Variants in SUCO observed in about 807,000 individuals in gnomAD.
SUCO encodes SUN domain-containing ossification factor.
In SUCO, 57 loss-of-function variants were observed where a neutral mutation model predicts 148.1. That is an observed-to-expected ratio of 0.38 (90% CI 0.31 to 0.48). The LOEUF is 0.48. Among genes scored for constraint, SUCO ranks in the 20% least tolerant of loss-of-function variants. The probability of loss-of-function intolerance (pLI) is 0.96; values close to 1 mark genes in which losing one functional copy is unlikely to be tolerated. For synonymous variants in SUCO, 470 were observed against 502.7 expected (o/e 0.93, Z 0.87); for missense variants, 1,331 against 1,468.2 (o/e 0.91, Z 1.53).
intron 1 of SUCO, among the ~76,000 whole-genome samples, chr1:172,543,696 A>G (rs1007828096): frequency 6.6e-6 from 1 of 152,128 alleles, no homozygotes; most frequent in Admixed American, 6.5e-5. Context: ...CTGAAATGCA[A>G]AGGTTTAATT....
At chr1:172,532,464 A>G (rs938626226), upstream of SUCO, 3 of 1,601,194 alleles carry the variant, frequency 1.9e-6, no homozygotes, top group Non-Finnish European at 2.6e-6. Context: ...TTCCGCTGCA[A>G]CCAATCAGAT....
rs1208583015 is a variant in SUCO, at chr1:172,610,817, A to T, written c.*558A>T. 6.6e-6 allele frequency: 1 copy of T among 152,660 alleles called. No individual in the cohort carries two copies. The highest frequency in any genetic ancestry group is 2.4e-5 in the African/African-American group (1 of 41,450). The allele number at this position is 152,660 out of a possible 1,614,324, so 9.5% of individuals were successfully genotyped here. On this transcript the variant is annotated 3_prime_UTR_variant, in exon 24 of 24. Transcript: ENST00000263688. ...AAACTTGCCAACTGGATCTTTGTTT[A>T]GCAAACTCACTGGAAATGAACACTT...
intron 18 of SUCO, 53 bp from the exon 19 acceptor site, chr1:172,590,931 A>G: frequency 1.6e-6 from 2 of 1,260,608 alleles, no homozygotes; most frequent in African/African-American, 1.5e-5. Context: ...TTCCATTACT[A>G]AGTGGAATAA....
intron 11 of SUCO, among the ~76,000 whole-genome samples, chr1:172,577,296 A>G (rs1274116336): frequency 6.6e-6 from 1 of 151,724 alleles, no homozygotes; most frequent in Non-Finnish European, 1.5e-5. Flanking sequence ...TAGTTAACTT[A>G]TAACCTTAAA....
At chr1:172,532,355 G>A, upstream of SUCO, 1 of 765,476 alleles carries the variant, frequency 1.3e-6, no homozygotes, top group East Asian at 2.7e-5. Flanking sequence ...AGAACCCAAA[G>A]TTCGAAACCA....
intron 22 of SUCO, among the ~76,000 whole-genome samples, chr1:172,604,433 A>G (rs570162304): frequency 1.5e-4 from 23 of 151,968 alleles, no homozygotes; most frequent in African/African-American, 4.8e-4. Flanking sequence ...TTGTTATGGC[A>G]TTTATCATAG....
At chr1:172,548,544 A>G (rs889838256) in intron 1 of SUCO, among the ~76,000 whole-genome samples, 2 of 151,836 alleles carry the variant, frequency 1.3e-5, no homozygotes, top group African/African-American at 4.8e-5. Flanking sequence ...TTTTCCTGCT[A>G]TTGTCTTATC....
intron 10 of SUCO, chr1:172,574,928 ATTTTC>A: frequency 1.0e-6 from 1 of 981,728 alleles, no homozygotes; most frequent in South Asian, 4.7e-5. Flanking sequence ...CTCAGCTGCA[ATTTTC>A]TTATATGTCA....
At chr1:172,539,515 T>TTTTA (rs10651439) in intron 1 of SUCO, among the ~76,000 whole-genome samples, 90,418 of 151,586 alleles carry the variant, frequency 0.6, 27,435 homozygotes, top group African/African-American at 0.7. Flanking sequence ...GAAGATTTGG[T>TTTTA]TTTAGGACTT....
chr1:172,563,335 G>C (rs924424480), intron 6 of SUCO, among the ~76,000 whole-genome samples: 1 of 152,208 alleles, frequency 6.6e-6, no homozygotes, highest in Non-Finnish European at 1.5e-5. Flanking sequence ...TTGTTGAATG[G>C]TTTTGACCAG....
At chr1:172,555,416 T>C (rs2149231804) in intron 3 of SUCO, 1 of 985,358 alleles carries the variant, frequency 1.0e-6, no homozygotes, top group Non-Finnish European at 1.2e-6. Flanking sequence ...GAAGGAGCAG[T>C]AAGAATCATT....
chr1:172,568,495 A>G (rs1184509084), intron 6 of SUCO: 1 of 907,492 alleles, frequency 1.1e-6, no homozygotes, highest in Admixed American at 6.2e-5. Flanking sequence ...TATTAACATG[A>G]TTTATAAAGA....
intron 17 of SUCO, chr1:172,588,292 C>T (rs770526564): frequency 1.3e-4 from 125 of 985,124 alleles, no homozygotes; most frequent in Non-Finnish European, 1.4e-4. Flanking sequence ...AAAGTGCACT[C>T]ATAAATATTA....
In SUCO at chr1:172,569,122, T is replaced by C. The variant is rs1473821312; in HGVS notation, c.836T>C (p.Met279Thr). ...TTTGATGAATGGAAGAAGAAAGTTA[T>C]GGAAGTAGAAAAAGAAAAAAGTAAG... ...PTFDEWKKKVMEVEKEKSQSM... is the reference protein window; with the variant it reads ...PTFDEWKKKVTEVEKEKSQSM... Residue 279 changes from methionine (M) to threonine (T), a missense_variant, in exon 7 of 24, where the codon ATG becomes ACG. Around this residue, in one of 3 missense-constraint regions of SUCO, gnomAD observed 992 missense variants for 1,093.5 expected, o/e 0.91. Transcript: ENST00000263688. 5 of 1,567,530 alleles carry C rather than the reference T, an allele frequency of 3.2e-6. No individual in the cohort carries two copies. The highest frequency in any genetic ancestry group is 4.3e-6 in the Non-Finnish European group (5 of 1,159,950).
At chr1:172,533,631 TA>T (rs1651790511) in intron 1 of SUCO, 134 bp downstream of exon 1, 1 of 1,151,510 alleles carries the variant, frequency 8.7e-7, no homozygotes, top group Non-Finnish European at 1.2e-6. Flanking sequence ...ACAAACCGAT[TA>T]CTTCTCGACT....
chr1:172,555,744 C>CT, intron 3 of SUCO, 125 bp from the exon 4 acceptor site: 1 of 787,124 alleles, frequency 1.3e-6, no homozygotes, highest in Admixed American at 3.4e-5. Context: ...TATAAAAGTA[C>CT]TTTTTTTAGT....
chr1:172,594,122 T>A (rs1041477813), intron 19 of SUCO, among the ~76,000 whole-genome samples: 4 of 152,164 alleles, frequency 2.6e-5, no homozygotes, highest in Non-Finnish European at 4.4e-5. Context: ...GGTGGTGATA[T>A]CCCCTTTATC....
At chr1:172,574,059 A>G in intron 10 of SUCO, 61 bp downstream of exon 10, 2 of 1,002,664 alleles carry the variant, frequency 2.0e-6, no homozygotes, top group South Asian at 1.5e-5. Context: ...AGAAAAACAA[A>G]AAAACAAAAA....
At chr1:172,590,838 A>C in intron 18 of SUCO, 146 bp from the exon 19 acceptor site, 4 of 546,996 alleles carry the variant, frequency 7.3e-6, no homozygotes, top group Non-Finnish European at 9.7e-6. Flanking sequence ...GCAGAAGATA[A>C]ATAGAATTGT....
Sources: allele counts gnomAD v4.1 joint callset (sites outside exome capture counted in the v4.1 genomes callset), GRCh38; gene constraint gnomAD v4.1.1; regional missense constraint gnomAD v4.1.1; transcripts MANE v1.5; gene names NCBI Gene and HGNC (gene_info 2026-07-23, HGNC 2026-07-21).